The following SPIDR variants were observed in gnomAD, a reference collection of about 807,000 sequenced individuals.
The protein encoded by SPIDR is DNA repair-scaffolding protein.
In SPIDR, 93 loss-of-function variants were observed where a neutral mutation model predicts 104.6. That is an observed-to-expected ratio of 0.89 (90% confidence interval 0.75 to 1.06). SPIDR has a LOEUF of 1.06. SPIDR is among the 50% of genes least tolerant of loss of function. SPIDR has a pLI of 0.00. For synonymous variants in SPIDR, 431 were observed against 416.9 expected (o/e 1.03, Z -0.41); for missense variants, 1,154 against 1,111.2 (o/e 1.04, Z -0.55).
intron 6 of SPIDR, among the ~76,000 whole-genome samples, chr8:47,405,988 A>C (rs1554667044): frequency 1.3e-5 from 2 of 151,814 alleles, no homozygotes; most frequent in South Asian, 4.1e-4. Flanking sequence ...GCGCCTGTGC[A>C]TGTTTACTGT....
At chr8:47,265,441 T>C (rs1471591754) in intron 1 of SPIDR, among the ~76,000 whole-genome samples, 1 of 151,982 alleles carries the variant, frequency 6.6e-6, no homozygotes, top group Non-Finnish European at 1.5e-5. Context: ...TTCTTTCTCC[T>C]TGGCCTCCCA....
At chr8:47,603,612 G>A (rs1253614399) in intron 10 of SPIDR, among the ~76,000 whole-genome samples, 3 of 148,498 alleles carry the variant, frequency 2.0e-5, no homozygotes, top group Admixed American at 6.8e-5. Context: ...TGCCCAGGCT[G>A]ATCTCAAACT....
chr8:47,289,436 T>C (rs2039494009), intron 3 of SPIDR, among the ~76,000 whole-genome samples: 1 of 152,222 alleles, frequency 6.6e-6, no homozygotes, highest in Non-Finnish European at 1.5e-5. Flanking sequence ...TTTAGCATTA[T>C]ATTTACAATT....
intron 4 of SPIDR, among the ~76,000 whole-genome samples, chr8:47,291,648 G>C (rs1641555308): frequency 6.6e-6 from 1 of 152,192 alleles, no homozygotes; most frequent in African/African-American, 2.4e-5. Context: ...AGGTATTACA[G>C]ATATTATTTT....
intron 5 of SPIDR, among the ~76,000 whole-genome samples, chr8:47,342,027 G>A (rs1382839886): frequency 6.6e-6 from 1 of 151,994 alleles, no homozygotes; most frequent in African/African-American, 2.4e-5. Context: ...ACTATTTCTA[G>A]CGATCTCGAA....
Position 47,728,712 on chromosome 8 carries a change from G to A in SPIDR, c.2436-221G>A, listed in dbSNP as rs140586982. On this transcript the variant is annotated intron_variant, in intron 17 of 19. Transcript: ENST00000297423. ...CATCCCCTCCTCTGCTCCCCTCTTC[G>A]GCCTCCAGCCAGTGCTACTCGTGCT... is the stretch of plus-strand genomic sequence containing the variant. 6.8e-4 allele frequency: 298 copies of A among 440,528 alleles called. 1 individual carries two copies. Among genetic ancestry groups the A allele is most frequent in the African/African-American group, 5.7e-3 (276 of 48,500 alleles). 27.3% of individuals were successfully genotyped at this position (440,528 alleles called of 1,614,324 possible).
intron 5 of SPIDR, among the ~76,000 whole-genome samples, chr8:47,329,273 G>C (rs1467016559): frequency 6.6e-6 from 1 of 151,780 alleles, no homozygotes; most frequent in African/African-American, 2.4e-5. Context: ...GGGTTTCACC[G>C]TGTTAGCCAG....
At chr8:47,317,274 G>T (rs760553567) in intron 5 of SPIDR, among the ~76,000 whole-genome samples, 1 of 152,174 alleles carries the variant, frequency 6.6e-6, no homozygotes, top group African/African-American at 2.4e-5. Flanking sequence ...CTTTTCCAAT[G>T]GTCTTAGCAG....
chr8:47,709,235 G>A (rs2081503955), intron 14 of SPIDR, among the ~76,000 whole-genome samples: 1 of 152,148 alleles, frequency 6.6e-6, no homozygotes, highest in Non-Finnish European at 1.5e-5. Context: ...CCACCTCCCA[G>A]GTTCAAGCAA....
intron 7 of SPIDR, among the ~76,000 whole-genome samples, chr8:47,427,953 ACT>A (rs1484197040): frequency 5.3e-5 from 8 of 151,946 alleles, no homozygotes; most frequent in African/African-American, 1.7e-4. Context: ...ACACAGTCTC[ACT>A]CTGTCACCCC....
Position 47,369,999 on chromosome 8 carries a change from TC to T in SPIDR, c.526-26376del, listed in dbSNP as rs1331560843. ...TGTAAAGAAATCTCTTTTTTTTTTT[TC>T]ATCTTCCATTTTCTTTATTTTCTGC... is the stretch of plus-strand genomic sequence containing the variant. On this transcript the variant is annotated intron_variant, in intron 5 of 19. Coordinates refer to ENST00000297423, the MANE Select transcript of SPIDR (RefSeq NM_001080394.4). Among the ~76,000 whole-genome samples, 118 of 152,116 alleles carry T rather than the reference TC, an allele frequency of 7.8e-4. 1 individual carries two copies. The highest frequency in any genetic ancestry group is 1.5e-3 in the Non-Finnish European group (99 of 67,996).
chr8:47,627,058 A>C (rs936504804), intron 10 of SPIDR, among the ~76,000 whole-genome samples: 6 of 152,190 alleles, frequency 3.9e-5, no homozygotes, highest in Admixed American at 1.3e-4. Context: ...CTATGCAGCC[A>C]TAAAAAATGA....
intron 5 of SPIDR, among the ~76,000 whole-genome samples, chr8:47,348,048 G>A (rs1480265529): frequency 1.3e-5 from 2 of 152,150 alleles, no homozygotes; most frequent in Non-Finnish European, 2.9e-5. Context: ...AGCCTCGATG[G>A]TCTTTACAAT....
intron 10 of SPIDR, among the ~76,000 whole-genome samples, chr8:47,623,106 C>A (rs1033198078): frequency 1.3e-5 from 2 of 152,124 alleles, no homozygotes; most frequent in Non-Finnish European, 2.9e-5. Context: ...AAATGAGGAT[C>A]ATCTCTTTAT....
chr8:47,331,989 C>CTTTTTT (rs1289524835), intron 5 of SPIDR, among the ~76,000 whole-genome samples: 2 of 36,326 alleles, frequency 5.5e-5, no homozygotes, highest in Admixed American at 3.8e-4. Context: ...TTTTTTTTCT[C>CTTTTTT]TTTTTTTTTT....
chr8:47,691,316 AAAAG>A (rs140367190), intron 11 of SPIDR, among the ~76,000 whole-genome samples: 1,870 of 151,540 alleles, frequency 0.012, 40 homozygotes, highest in African/African-American at 0.044. Flanking sequence ...AAAAAGAGAG[AAAAG>A]AAAAAGAAAA....
At position 47,403,932 on chromosome 8, in the gene SPIDR, G is replaced by A. The variant is rs187333498; in HGVS notation, c.777-3929G>A. ...AAAAGAACAAAGCTGGAGGCATCAC[G>A]CTACCTGACTTCAAACTATACTACA... is the stretch of plus-strand genomic sequence containing the variant. On this transcript the variant is annotated intron_variant, in intron 6 of 19. Transcript: ENST00000297423. Among the ~76,000 whole-genome samples the A allele has an allele frequency of 2.9e-3, 444 of 152,220 alleles. 5 individuals are homozygous for A. Among genetic ancestry groups the A allele is most frequent in the Admixed American group, 6.4e-3 (98 of 15,276 alleles).
chr8:47,607,194 T>G (rs1295497138), intron 10 of SPIDR, among the ~76,000 whole-genome samples: 1 of 152,224 alleles, frequency 6.6e-6, no homozygotes, highest in African/African-American at 2.4e-5. Flanking sequence ...TGTGAAAGAT[T>G]GTGAGTGCAG....
intron 5 of SPIDR, among the ~76,000 whole-genome samples, chr8:47,331,133 G>A (rs886172059): frequency 2.6e-4 from 39 of 152,068 alleles, no homozygotes; most frequent in African/African-American, 9.4e-4. Context: ...GTACTTATTT[G>A]CCATCTGTAT....
Sources: allele counts gnomAD v4.1 joint callset (sites outside exome capture counted in the v4.1 genomes callset), GRCh38; gene constraint gnomAD v4.1.1; transcripts MANE v1.5; gene names NCBI Gene and HGNC (gene_info 2026-07-23, HGNC 2026-07-21).